Variants in ADPRM observed in about 807,000 individuals in gnomAD.
ADPRM encodes ADP-ribose/CDP-alcohol diphosphatase, manganese dependent, also known as manganese-dependent ADP-ribose/CDP-alcohol diphosphatase.
A neutral mutation model predicts 27.2 loss-of-function variants in ADPRM; 17 were observed. The observed-to-expected ratio is 0.63, with a 90% CI of 0.43 to 0.94. The LOEUF (loss-of-function observed/expected upper bound fraction) is 0.94. Among genes scored for constraint, ADPRM ranks in the 40% least tolerant of loss-of-function variants. ADPRM has a pLI of 0.00. For synonymous variants in ADPRM, 135 were observed against 145.3 expected (o/e 0.93, Z 0.51); for missense variants, 337 against 412.8 (o/e 0.82, Z 1.59).
In ADPRM at chr17:10,710,873, G is replaced by A; in HGVS notation, c.758G>A (p.Cys253Tyr). 2 of 1,614,160 alleles carry A rather than the reference G, an allele frequency of 1.2e-6. No homozygotes were observed. The highest frequency in any genetic ancestry group is 1.7e-6 in the Non-Finnish European group (2 of 1,180,028). ...TACCCGGACGCCTCTGACAATGTGT[G>A]CCTGGCCTGGAACTACAGAGATGCC... ...PIYPDASDNV[C>Y]LAWNYRDALA... Residue 253 changes from cysteine to tyrosine, a missense_variant, in exon 4 of 4, where the codon TGC becomes TAC. By Grantham distance (194) the Cys-to-Tyr change is radical. Transcript: ENST00000379774.
chr17:10,699,768 G>C (rs532449371), intron 1 of ADPRM, among the ~76,000 whole-genome samples: 4 of 152,136 alleles, frequency 2.6e-5, no homozygotes, highest in African/African-American at 9.6e-5. Flanking sequence ...TCCTGACATC[G>C]TGATCTGCCC....
Position 10,711,075 on chromosome 17 carries a change from G to A in ADPRM, c.960G>A (p.Met320Ile). ...TTCATGTCTATCCTGACAAAATGAT[G>A]TTGAAAGGGAGAGGCAGAGTTCCAG... ...GTVHVYPDKMMLKGRGRVPDR... is the reference protein window; with the variant it reads ...GTVHVYPDKMILKGRGRVPDR... Residue 320 changes from methionine to isoleucine, a missense_variant, in exon 4 of 4, where the codon ATG (methionine) becomes ATA (isoleucine). Coordinates refer to ENST00000379774, the MANE Select transcript of ADPRM (RefSeq NM_020233.5). The A allele has an allele frequency of 6.2e-7, 1 of 1,614,158 alleles. No homozygotes were observed.
At chr17:10,697,835 C>T in intron 1 of ADPRM, 168 bp downstream of exon 1, 1 of 369,908 alleles carries the variant, frequency 2.7e-6, no homozygotes, top group Non-Finnish European at 4.9e-6. Flanking sequence ...TGGTCGTGGG[C>T]TTCGGTGACC....
chr17:10,706,514 A>G lies in ADPRM; in HGVS notation c.678A>G (p.Leu226=). ...QEQLNWLNEV[L]TFSDTNQEKV... Reference sequence around the variant, plus strand: ...AGCTAAACTGGTTGAATGAAGTGCTAACATTCTCTGACACAAACCAAGAAA... The same window carrying G: ...AGCTAAACTGGTTGAATGAAGTGCTGACATTCTCTGACACAAACCAAGAAA... Residue 226 remains leucine, a synonymous_variant, in exon 3 of 4, where the codon CTA becomes CTG. Transcript: ENST00000379774. The G allele has an allele frequency of 1.3e-6, 2 of 1,594,630 alleles. No individual in the cohort carries two copies. The highest frequency in any genetic ancestry group is 4.6e-5 in the East Asian group (2 of 43,550).
intron 1 of ADPRM, chr17:10,698,904 A>C (rs1255397047): frequency 6.6e-6 from 1 of 152,192 alleles, no homozygotes; most frequent in Non-Finnish European, 1.5e-5. Context: ...AAGACATAAA[A>C]GTACCTTGTG....
At chr17:10,700,018 C>G (rs2074766039) in intron 1 of ADPRM, among the ~76,000 whole-genome samples, 1 of 152,164 alleles carries the variant, frequency 6.6e-6, no homozygotes, top group Admixed American at 6.5e-5. Context: ...TGTTCCAGGC[C>G]CCTGCCCCTT....
rs970948201 is a variant in ADPRM at position 10,697,639 on chromosome 17, A to G, written c.-46A>G. The G allele has an allele frequency of 1.4e-5, 16 of 1,158,102 alleles. No homozygotes were observed. Among genetic ancestry groups the G allele is most frequent in the Middle Eastern group, 2.2e-4 (1 of 4,624 alleles). The allele number at this position is 1,158,102 out of a possible 1,614,324, so 71.7% of individuals were successfully genotyped here. ...GCGCTGTTACATAGCCCGTAGTCAGAGGCCTTTCAGCCCAGGGGCCGGCGC... is the reference window on the plus strand; with the variant it reads ...GCGCTGTTACATAGCCCGTAGTCAGGGGCCTTTCAGCCCAGGGGCCGGCGC... On this transcript the variant is annotated 5_prime_UTR_variant, in exon 1 of 4. Coordinates refer to ENST00000379774, the MANE Select transcript of ADPRM (RefSeq NM_020233.5).
intron 2 of ADPRM, 25 bp from the exon 3 acceptor site, chr17:10,706,413 G>T (rs750810850): frequency 1.2e-5 from 19 of 1,526,768 alleles, no homozygotes; most frequent in Middle Eastern, 1.7e-4. Flanking sequence ...GACTTGATGG[G>T]GCTAACTTAC....
chr17:10,706,872 A>G (rs979254581), intron 3 of ADPRM, among the ~76,000 whole-genome samples: 1 of 152,180 alleles, frequency 6.6e-6, no homozygotes, highest in Non-Finnish European at 1.5e-5. Flanking sequence ...TATTGAAATC[A>G]TTGTAGATTC....
chr17:10,706,686 AT>A (rs2074814828), intron 3 of ADPRM, 132 bp downstream of exon 3: 5 of 544,374 alleles, frequency 9.2e-6, no homozygotes, highest in Middle Eastern at 4.6e-4. Flanking sequence ...AAAAATTTCT[AT>A]TGAGAAACCA....
intron 3 of ADPRM, among the ~76,000 whole-genome samples, chr17:10,710,287 A>G (rs2074842549): frequency 1.3e-5 from 2 of 152,142 alleles, no homozygotes; most frequent in Admixed American, 1.3e-4. Context: ...TTTTTAGTAG[A>G]GACAGGGTTT....
intron 1 of ADPRM, among the ~76,000 whole-genome samples, chr17:10,703,804 C>T (rs760434708): frequency 3.9e-5 from 6 of 152,114 alleles, no homozygotes; most frequent in Non-Finnish European, 5.9e-5. Flanking sequence ...TGACAAAAAT[C>T]GTTGACAATT....
At chr17:10,703,403 C>T (rs1356918599) in intron 1 of ADPRM, among the ~76,000 whole-genome samples, 1 of 152,144 alleles carries the variant, frequency 6.6e-6, no homozygotes, top group Non-Finnish European at 1.5e-5. Context: ...TTAAGGATTT[C>T]CATCTCTTTC....
intron 1 of ADPRM, among the ~76,000 whole-genome samples, chr17:10,704,486 CAAAA>C (rs201571510): frequency 0.093 from 7,109 of 76,780 alleles, 512 homozygotes; most frequent in African/African-American, 0.27. Flanking sequence ...CACAGCTTTC[CAAAA>C]AAAAAAAAAA....
intron 3 of ADPRM, among the ~76,000 whole-genome samples, chr17:10,708,023 C>G (rs1285857953): frequency 6.6e-6 from 1 of 152,100 alleles, no homozygotes; most frequent in Non-Finnish European, 1.5e-5. Context: ...AGACTGAGAG[C>G]TGGAAGGACA....
At chr17:10,707,993 G>GGAT (rs1432914184) in intron 3 of ADPRM, among the ~76,000 whole-genome samples, 6 of 152,248 alleles carry the variant, frequency 3.9e-5, no homozygotes, top group African/African-American at 1.4e-4. Flanking sequence ...AATTGATGTG[G>GGAT]GATAACAGGT....
In ADPRM at chr17:10,711,220, C is replaced by A; in HGVS notation, c.*76C>A. On this transcript the variant is annotated 3_prime_UTR_variant, in exon 4 of 4. Transcript: ENST00000379774. ...AAACAAAAAAATAAAAATCCTCTGTCTCATTGTTTAGTATTCAGCTTGCAT... is the reference window on the plus strand; with the variant it reads ...AAACAAAAAAATAAAAATCCTCTGTATCATTGTTTAGTATTCAGCTTGCAT... The A allele has an allele frequency of 8.3e-7, 1 of 1,199,934 alleles. No individual in the cohort carries two copies. The highest frequency in any genetic ancestry group is 1.2e-6 in the Non-Finnish European group (1 of 865,510). 74.3% of individuals were successfully genotyped at this position (1,199,934 alleles called of 1,614,324 possible).
intron 1 of ADPRM, among the ~76,000 whole-genome samples, chr17:10,704,704 A>G (rs1363955463): frequency 6.6e-6 from 1 of 152,200 alleles, no homozygotes; most frequent in Non-Finnish European, 1.5e-5. Context: ...GAAAGAGTTT[A>G]TCATCTGTTT....
At position 10,705,830 on chromosome 17, in the gene ADPRM, G is replaced by A. The variant is rs2074809323; in HGVS notation, c.601+303G>A. On this transcript the variant is annotated intron_variant, in intron 2 of 3. Coordinates refer to ENST00000379774, the MANE Select transcript of ADPRM (RefSeq NM_020233.5). The surrounding 1 kb of genome is among the most constrained non-coding windows in gnomAD (Gnocchi z 5.4). ...ATGGAGGGAACAAACACAGTACGTGGGCAAGACAGATGATAAATGAAACAG... is the reference window on the plus strand; with the variant it reads ...ATGGAGGGAACAAACACAGTACGTGAGCAAGACAGATGATAAATGAAACAG... 1 of 361,330 alleles carries A rather than the reference G, an allele frequency of 2.8e-6. No individual in the cohort carries two copies. The highest frequency in any genetic ancestry group is 3.5e-5 in the South Asian group (1 of 28,702). 22.4% of individuals were successfully genotyped at this position (361,330 alleles called of 1,614,324 possible). A position where few individuals can be genotyped will look rare whatever the true frequency, so the allele number is the denominator to read the frequency against.
Sources: gnomAD v4.1 joint callset for allele counts (sites outside exome capture counted in the v4.1 genomes callset) on GRCh38, gnomAD v4.1.1 for gene constraint, Gnocchi (gnomAD v3.1) non-coding constraint, MANE v1.5 for transcripts, NCBI Gene and HGNC (gene_info 2026-07-23, HGNC 2026-07-21) for gene names.